Variants in PAK1 observed in about 807,000 individuals in gnomAD.
PAK1 encodes the protein serine/threonine-protein kinase PAK 1.
Under a neutral mutation model 67.4 loss-of-function variants are expected in PAK1, and 29 were observed. The ratio of observed to expected loss-of-function variants is 0.43; its 90% CI spans 0.32 to 0.59. PAK1 has a LOEUF of 0.59. PAK1 is among the 20% of genes least tolerant of loss of function. The pLI is 0.07. For missense variants in PAK1, 337 were observed against 670.7 expected, an observed-to-expected ratio of 0.50 and a Z score of 5.50; for synonymous variants, 223 against 237.4, an observed-to-expected ratio of 0.94 and a Z score of 0.56.
At chr11:77,512,889 T>C in the PAK1 span, among the ~76,000 whole-genome samples, 1 of 151,236 alleles carries the variant, frequency 6.6e-6, no homozygotes, top group African/African-American at 2.4e-5. Context: ...AGCCCAGGAG[T>C]TCGAGACTGG....
chr11:77,426,078 CTTTTTTTTTTT>C (rs35602138), intron 1 of PAK1, among the ~76,000 whole-genome samples: 2 of 117,222 alleles, frequency 1.7e-5, no homozygotes, highest in South Asian at 2.7e-4. Flanking sequence ...TTGAAGGCCT[CTTTTTTTTTTT>C]TTTTTTTTTT....
intron 8 of PAK1, among the ~76,000 whole-genome samples, chr11:77,349,851 A>T (rs1402335183): frequency 6.6e-6 from 1 of 151,318 alleles, no homozygotes; most frequent in African/African-American, 2.4e-5. Context: ...GAATTTCAGA[A>T]TGTGTTTGGG....
chr11:77,500,885 A>G, the PAK1 span, among the ~76,000 whole-genome samples: 3 of 152,076 alleles, frequency 2.0e-5, no homozygotes, highest in African/African-American at 7.2e-5. Context: ...TTCTCTTACC[A>G]CAGCCAGCTA....
Position 77,322,673 on chromosome 11 carries a change from G to C in PAK1, c.*601C>G. Reference sequence around the variant, plus strand: ...AACACTATTGGGTCAAGGTCCTCCCGAACAGCTGCTAGAAGCACACACAAA... The same window carrying C: ...AACACTATTGGGTCAAGGTCCTCCCCAACAGCTGCTAGAAGCACACACAAA... On this transcript the variant is annotated 3_prime_UTR_variant, in exon 15 of 15. Transcript: ENST00000356341. 1 of 248,152 alleles carries C rather than the reference G, an allele frequency of 4.0e-6. No homozygotes were observed. The highest frequency in any genetic ancestry group is 8.0e-6 in the Non-Finnish European group (1 of 125,600). The allele number at this position is 248,152 out of a possible 1,614,324, so 15.4% of individuals were successfully genotyped here. A position where few individuals can be genotyped will look rare whatever the true frequency, so the allele number is the denominator to read the frequency against.
intron 5 of PAK1, among the ~76,000 whole-genome samples, chr11:77,373,562 T>TTA (rs1555156353): frequency 8.3e-6 from 1 of 120,776 alleles, no homozygotes; most frequent in African/African-American, 3.1e-5. Flanking sequence ...CTCGTCTCTT[T>TTA]AAAAAAAAAA....
chr11:77,436,611 G>A (rs1364024441), intron 1 of PAK1, among the ~76,000 whole-genome samples: 1 of 152,112 alleles, frequency 6.6e-6, no homozygotes, highest in African/African-American at 2.4e-5. Context: ...GTAACTTATA[G>A]GATAGAACAC....
chr11:77,434,487 C>A (rs1565700457), intron 1 of PAK1, among the ~76,000 whole-genome samples: 1 of 151,830 alleles, frequency 6.6e-6, no homozygotes, highest in African/African-American at 2.4e-5. Context: ...CTATGTCACC[C>A]CCAGGCTGGA....
At chr11:77,463,583 A>G (rs3015991) in intron 1 of PAK1, among the ~76,000 whole-genome samples, 107,085 of 152,100 alleles carry the variant, frequency 0.7, 38,577 homozygotes, top group African/African-American at 0.86. Flanking sequence ...TGTTTTAGCT[A>G]ACAATGAAAT....
intron 1 of PAK1, among the ~76,000 whole-genome samples, chr11:77,414,174 AT>A (rs1283362705): frequency 6.6e-6 from 1 of 152,232 alleles, no homozygotes; most frequent in Admixed American, 6.5e-5. Context: ...CTAATTTATT[AT>A]GCCCCTCCAC....
the PAK1 span, among the ~76,000 whole-genome samples, chr11:77,512,981 C>A: frequency 0.017 from 2,552 of 152,216 alleles, 36 homozygotes; most frequent in South Asian, 0.032. Flanking sequence ...GTAGTCCCCG[C>A]TACTTGGGAA....
chr11:77,364,621 T>A (rs113832940), intron 5 of PAK1, among the ~76,000 whole-genome samples: 4,908 of 152,014 alleles, frequency 0.032, 128 homozygotes, highest in African/African-American at 0.075. Flanking sequence ...CAGAATATTA[T>A]CTAAATATTG....
chr11:77,493,052 C>A, the PAK1 span, among the ~76,000 whole-genome samples: 4 of 152,052 alleles, frequency 2.6e-5, no homozygotes, highest in East Asian at 3.8e-4. Context: ...TATAGCAATG[C>A]GAGAATGGAC....
chr11:77,344,051 C>A, intron 9 of PAK1, 120 bp from the exon 10 acceptor site: 2 of 678,826 alleles, frequency 2.9e-6, no homozygotes, highest in East Asian at 2.7e-5. Context: ...TCTTAGCCCT[C>A]GAGTAATTCA....
chr11:77,447,425 C>A (rs1244112427), intron 1 of PAK1, among the ~76,000 whole-genome samples: 2 of 152,162 alleles, frequency 1.3e-5, no homozygotes, highest in Non-Finnish European at 2.9e-5. Context: ...AAGCTGAGCT[C>A]ATCTATCTTG....
At chr11:77,428,337 G>A (rs1955664426) in intron 1 of PAK1, among the ~76,000 whole-genome samples, 1 of 152,148 alleles carries the variant, frequency 6.6e-6, no homozygotes, top group Non-Finnish European at 1.5e-5. Context: ...ACCGAGGCGG[G>A]CAGATCACAA....
chr11:77,428,592 A>G (rs1003068230), intron 1 of PAK1, among the ~76,000 whole-genome samples: 2 of 150,098 alleles, frequency 1.3e-5, no homozygotes, highest in African/African-American at 2.5e-5. Flanking sequence ...AAAAAAGTCT[A>G]GTTAAGAGAT....
chr11:77,392,447 C>G lies in PAK1; in HGVS notation c.74G>C (p.Gly25Ala). Residue 25 changes from glycine to alanine, a missense_variant, in exon 2 of 15, where the codon GGA (glycine) becomes GCA (alanine). Coordinates refer to ENST00000356341, the MANE Select transcript of PAK1 (RefSeq NM_002576.5). ...GGTTCCAGCATCTTTGCTGCCGGCT[C>G]CAATCATAGTGCTGGTATTTCTCAT... ...PPMRNTSTMI[G>A]AGSKDAGTLN... 1 of 1,614,034 alleles carries G rather than the reference C, an allele frequency of 6.2e-7. No individual in the cohort carries two copies. Among genetic ancestry groups the G allele is most frequent in the Non-Finnish European group, 8.5e-7 (1 of 1,179,966 alleles).
intron 6 of PAK1, chr11:77,356,149 G>T (rs1463065142): frequency 4.7e-6 from 1 of 213,970 alleles, no homozygotes. Flanking sequence ...CCCTTCATCT[G>T]TAATATTTTA....
Position 77,370,267 on chromosome 11 carries a change from TC to T in PAK1, c.477+4060del, listed in dbSNP as rs576336219. On this transcript the variant is annotated intron_variant, in intron 5 of 14. Coordinates refer to ENST00000356341, the MANE Select transcript of PAK1 (RefSeq NM_002576.5). ...TCACTGCAGAGCTACTTCTCCTGTT[TC>T]CTTTTCTTTATATCTGCGGTAGAAT... Among the ~76,000 whole-genome samples, 207 of 152,284 alleles carry T rather than the reference TC, an allele frequency of 1.4e-3. 1 individual carries two copies. Among genetic ancestry groups the T allele is most frequent in the African/African-American group, 4.8e-3 (201 of 41,556 alleles).
Sources: gnomAD v4.1 joint callset for allele counts (sites outside exome capture counted in the v4.1 genomes callset) on GRCh38, gnomAD v4.1.1 for gene constraint, MANE v1.5 for transcripts, NCBI Gene and HGNC (gene_info 2026-07-23, HGNC 2026-07-21) for gene names.